TRIM56: variants seen among roughly 807,000 people sequenced by gnomAD.
The protein encoded by TRIM56 is E3 ubiquitin-protein ligase TRIM56.
In TRIM56, 10 loss-of-function variants were observed where a neutral mutation model predicts 17.1. That is an observed-to-expected ratio of 0.58 (90% CI 0.36 to 0.99). TRIM56 has a LOEUF of 0.99. TRIM56 is among the 50% of genes least tolerant of loss of function. TRIM56 has a pLI of 0.01. For missense variants in TRIM56, 923 were observed against 1,052.3 expected, an observed-to-expected ratio of 0.88 and a Z score of 1.70; for synonymous variants, 503 against 473.5, an observed-to-expected ratio of 1.06 and a Z score of -0.81.
In TRIM56 at chr7:101,092,397, G is replaced by C. The variant is rs553673505; in HGVS notation, c.*2817G>C. 5.8e-6 allele frequency: 1 copy of C among 171,092 alleles called. No individual in the cohort carries two copies. The highest frequency in any genetic ancestry group is 6.3e-5 in the Admixed American group (1 of 15,894). 10.6% of individuals were successfully genotyped at this position (171,092 alleles called of 1,614,324 possible). On this transcript the variant is annotated 3_prime_UTR_variant, in exon 3 of 3. Coordinates refer to ENST00000306085, the MANE Select transcript of TRIM56 (RefSeq NM_030961.3). ...GAGATGTGGGGAGCACCTCAGCCCCGCCGCCCCGTCTGGGATGTGAGGAGC... is the reference window on the plus strand; with the variant it reads ...GAGATGTGGGGAGCACCTCAGCCCCCCCGCCCCGTCTGGGATGTGAGGAGC...
chr7:101,091,779 T>G lies in TRIM56; in HGVS notation c.*2199T>G, dbSNP rs1283092219. ...AAACCAAGGTCCCTCTCCCTCTCCC[T>G]CTCCCCACGGTCTCCCTCTGCCTCT... On this transcript the variant is annotated 3_prime_UTR_variant, in exon 3 of 3. Coordinates refer to ENST00000306085, the MANE Select transcript of TRIM56 (RefSeq NM_030961.3). 1 of 445,364 alleles carries G rather than the reference T, an allele frequency of 2.2e-6. No homozygotes were observed. Among genetic ancestry groups the G allele is most frequent in the Non-Finnish European group, 4.5e-6 (1 of 224,402 alleles). 27.6% of individuals were successfully genotyped at this position (445,364 alleles called of 1,614,324 possible).
Position 101,088,482 on chromosome 7 carries a change from G to A in TRIM56, c.1170G>A (p.Glu390=), listed in dbSNP as rs1339715059. The A allele has an allele frequency of 1.9e-6, 3 of 1,613,936 alleles. No homozygotes were observed. The highest frequency in any genetic ancestry group is 2.2e-5 in the East Asian group (1 of 44,868). ...GKDGAGTQGG[E]ESQSRREDEP... Reference sequence around the variant, plus strand: ...ACGGAGCTGGTACCCAGGGAGGTGAGGAGAGCCAGAGCCGGAGGGAGGATG... The same window carrying A: ...ACGGAGCTGGTACCCAGGGAGGTGAAGAGAGCCAGAGCCGGAGGGAGGATG... Residue 390 remains glutamate, a synonymous_variant, in exon 3 of 3, where the codon GAG becomes GAA. Transcript: ENST00000306085.
At position 101,088,223 on chromosome 7, in the gene TRIM56, C is replaced by A. The variant is rs774109376; in HGVS notation, c.911C>A (p.Ala304Asp). ...GAGGGCCGGGAGCAGGTGGCCAGGG[C>A]CGCAGCCGCCTTCGCCCGCCGGGTA... Reference protein sequence around the residue: ...ELEGREQVARAAAAFARRVLS... With the variant: ...ELEGREQVARDAAAFARRVLS... The change falls in exon 3 of 3, where the codon GCC becomes GAC. Residue 304 changes from alanine to aspartate, a missense_variant. Ala to Asp is a moderately radical substitution (Grantham distance 126). Transcript: ENST00000306085. 6.8e-7 allele frequency: 1 copy of A among 1,464,754 alleles called. No homozygotes were observed. The highest frequency in any genetic ancestry group is 9.0e-7 in the Non-Finnish European group (1 of 1,113,854). 90.7% of individuals were successfully genotyped at this position (1,464,754 alleles called of 1,614,324 possible).
rs1272758283 is a variant in TRIM56 at position 101,087,688 on chromosome 7, G to T, written c.376G>T (p.Asp126Tyr). The T allele has an allele frequency of 6.3e-7, 1 of 1,593,668 alleles. No homozygotes were observed. The highest frequency in any genetic ancestry group is 2.2e-5 in the East Asian group (1 of 44,624). ...ATARCLDCAD[D>Y]LCQACADGHR... The stretch of plus-strand genomic sequence containing the variant: ...GGCCCGGTGCCTGGACTGTGCCGAT[G>T]ACTTGTGCCAGGCCTGTGCCGACGG... The change falls in exon 3 of 3, where the codon GAC (aspartate) becomes TAC (tyrosine). Residue 126 changes from aspartate (D) to tyrosine (Y), a missense_variant. Transcript: ENST00000306085.
In TRIM56 at chr7:101,087,072, T is replaced by C. The variant is rs940532393; in HGVS notation, c.-98T>C. The C allele has an allele frequency of 3.7e-6, 2 of 538,612 alleles. No individual in the cohort carries two copies. Among genetic ancestry groups the C allele is most frequent in the Admixed American group, 3.3e-5 (1 of 29,984 alleles). The allele number at this position is 538,612 out of a possible 1,614,324, so 33.4% of individuals were successfully genotyped here. On this transcript the variant is annotated 5_prime_UTR_variant, in exon 2 of 3. Transcript: ENST00000306085. ...CGTTTGCTGGATGTACACACGGAAG[T>C]GGAGGAGGAGGAGGAGAAGGAGGAG...
At position 101,088,637 on chromosome 7, in the gene TRIM56, C is replaced by T. The variant is rs370141218; in HGVS notation, c.1325C>T (p.Thr442Ile). Residue 442 changes from threonine to isoleucine, a missense_variant, in exon 3 of 3, where the codon ACA becomes ATA. Transcript: ENST00000306085. ...ACCTTGGAGGAGGACAGGGCCCAGA[C>T]ACCCCACGAGGATGGAGGACCCCAG... ...AQTLEEDRAQ[T>I]PHEDGGPQPH... 3 of 1,613,822 alleles carry T rather than the reference C, an allele frequency of 1.9e-6. No individual in the cohort carries two copies. Among genetic ancestry groups the T allele is most frequent in the South Asian group, 2.2e-5 (2 of 91,080 alleles).
rs535128827 is a variant in TRIM56 at position 101,093,836 on chromosome 7, A to T, written c.*4256A>T. The T allele has an allele frequency of 6.6e-6, 1 of 152,270 alleles. No individual in the cohort carries two copies. Among genetic ancestry groups the T allele is most frequent in the East Asian group, 1.9e-4 (1 of 5,154 alleles). The allele number at this position is 152,270 out of a possible 1,614,324, so 9.4% of individuals were successfully genotyped here. ...CACAGTGAGACTCTGTCTCAAAAAA[A>T]TAATAAATAAATAATTAAATCCACT... is the stretch of plus-strand genomic sequence containing the variant. On this transcript the variant is annotated 3_prime_UTR_variant, in exon 3 of 3. Coordinates refer to ENST00000306085, the MANE Select transcript of TRIM56 (RefSeq NM_030961.3).
chr7:101,088,000 C>A lies in TRIM56; in HGVS notation c.688C>A (p.Leu230Met). ...LAGVDNNLVE[L>M]EAARRVEKEA... Reference sequence around the variant, plus strand: ...CGGTGTGGACAATAACCTGGTGGAGCTGGAGGCAGCGCGGAGGGTGGAGAA... The same window carrying A: ...CGGTGTGGACAATAACCTGGTGGAGATGGAGGCAGCGCGGAGGGTGGAGAA... Residue 230 changes from leucine to methionine, a missense_variant, in exon 3 of 3, where the codon CTG becomes ATG. Transcript: ENST00000306085. The A allele has an allele frequency of 6.3e-7, 1 of 1,584,528 alleles. No homozygotes were observed.
At position 101,088,815 on chromosome 7, in the gene TRIM56, G is replaced by T. The variant is rs1048851825; in HGVS notation, c.1503G>T (p.Met501Ile). 3 of 1,613,812 alleles carry T rather than the reference G, an allele frequency of 1.9e-6. No individual in the cohort carries two copies. The highest frequency in any genetic ancestry group is 2.2e-5 in the South Asian group (2 of 91,088). The change falls in exon 3 of 3, where the codon ATG (methionine) becomes ATT (isoleucine). Residue 501 changes from methionine to isoleucine, a missense_variant. Met to Ile is a conservative substitution (Grantham distance 10). This residue lies in a region of TRIM56 where 643 missense variants were observed against 665.6 expected (regional missense o/e 0.97). Transcript: ENST00000306085. The stretch of plus-strand genomic sequence containing the variant: ...TTTACTGCAGTTTCCCCACGCGGAT[G>T]CCTGGAGACAAGCGGTCCCCCCGGA... ...PIFYCSFPTR[M>I]PGDKRSPRIT...
chr7:101,095,042 G>A lies in TRIM56; in HGVS notation c.*5462G>A, dbSNP rs56158981. 0.088 allele frequency: 12,746 copies of A among 144,686 alleles called. 690 individuals carry two copies. Among genetic ancestry groups the A allele is most frequent in the African/African-American group, 0.16 (6,013 of 38,788 alleles). 9.0% of individuals were successfully genotyped at this position (144,686 alleles called of 1,614,324 possible). Reference sequence around the variant, plus strand: ...GGCACTGTGGACACGGTTCGCATCTGCCTCCCAAGGCTGGGCTCCGCGTCA... The same window carrying A: ...GGCACTGTGGACACGGTTCGCATCTACCTCCCAAGGCTGGGCTCCGCGTCA... On this transcript the variant is annotated 3_prime_UTR_variant, in exon 3 of 3. Coordinates refer to ENST00000306085, the MANE Select transcript of TRIM56 (RefSeq NM_030961.3).
In TRIM56 at chr7:101,087,809, C is replaced by T. The variant is rs756902693; in HGVS notation, c.497C>T (p.Ala166Val). ...GATGAGGAGGCCCGGGAGCGCCAAG[C>T]GGCCCAGTGTCCCCAGCACCCCGGG... ...WYDEEARERQ[A>V]AQCPQHPGEA... The change falls in exon 3 of 3, where the codon GCG (alanine) becomes GTG (valine). Residue 166 changes from alanine (A) to valine (V), a missense_variant. Transcript: ENST00000306085. 11 of 1,605,542 alleles carry T rather than the reference C, an allele frequency of 6.9e-6. No homozygotes were observed. The highest frequency in any genetic ancestry group is 3.3e-5 in the South Asian group (3 of 90,534).
chr7:101,088,858 T>C lies in TRIM56; in HGVS notation c.1546T>C (p.Phe516Leu). 6.2e-7 allele frequency: 1 copy of C among 1,613,854 alleles called. No individual in the cohort carries two copies. The change falls in exon 3 of 3, where the codon TTC becomes CTC. Residue 516 changes from phenylalanine (F) to leucine (L), a missense_variant. Phe to Leu is a conservative substitution (Grantham distance 22). Transcript: ENST00000306085. ...RSPRITGLCP[F>L]GPREILVADE... ...CCCCCGGATCACCGGGCTCTGTCCC[T>C]TCGGTCCCCGGGAGATCCTGGTGGC...
rs937780725 is a variant in TRIM56 at position 101,088,744 on chromosome 7, C to G, written c.1432C>G (p.Leu478Val). The change falls in exon 3 of 3, where the codon CTG (leucine) becomes GTG (valine). Residue 478 changes from leucine to valine, a missense_variant. Transcript: ENST00000306085. ...KSISREPSPA[L>V]GPNLDGSGLL... is the part of the protein sequence containing the mutation. The stretch of plus-strand genomic sequence containing the variant: ...AATTTCCCGGGAGCCCAGCCCAGCC[C>G]TGGGGCCGAATCTGGACGGCTCTGG... 4 of 1,614,070 alleles carry G rather than the reference C, an allele frequency of 2.5e-6. No homozygotes were observed. Among genetic ancestry groups the G allele is most frequent in the African/African-American group, 2.7e-5 (2 of 75,066 alleles).
intron 2 of TRIM56, 43 bp from the exon 3 acceptor site, chr7:101,087,269 G>A: frequency 1.3e-6 from 2 of 1,548,942 alleles, no homozygotes; most frequent in African/African-American, 2.7e-5. Context: ...GTGAGCTGGT[G>A]AAGGTGCCTT....
In TRIM56 at chr7:101,088,480, G is replaced by A. The variant is rs1313131889; in HGVS notation, c.1168G>A (p.Glu390Lys). 13 of 1,613,898 alleles carry A rather than the reference G, an allele frequency of 8.1e-6. No individual in the cohort carries two copies. The highest frequency in any genetic ancestry group is 1.1e-5 in the Non-Finnish European group (13 of 1,179,900). Residue 390 changes from glutamate (E) to lysine (K), a missense_variant, in exon 3 of 3, where the codon GAG becomes AAG. By Grantham distance (56) the Glu-to-Lys change is moderately conservative. Around this residue, in one of 3 missense-constraint regions of TRIM56, gnomAD observed 643 missense variants for 665.6 expected, o/e 0.97. Transcript: ENST00000306085. ...GKDGAGTQGG[E>K]ESQSRREDEP... ...AGACGGAGCTGGTACCCAGGGAGGT[G>A]AGGAGAGCCAGAGCCGGAGGGAGGA...
chr7:101,089,759 G>C lies in TRIM56; in HGVS notation c.*179G>C, dbSNP rs907356383. The C allele has an allele frequency of 3.3e-6, 2 of 601,860 alleles. No homozygotes were observed. The highest frequency in any genetic ancestry group is 1.9e-5 in the African/African-American group (1 of 53,790). The allele number at this position is 601,860 out of a possible 1,614,324, so 37.3% of individuals were successfully genotyped here. ...GTGTGTGAGAATAGGGACCAAGGTG[G>C]TGGCGTGACCTTAACTCTCAGAAGC... On this transcript the variant is annotated 3_prime_UTR_variant, in exon 3 of 3. Transcript: ENST00000306085.
chr7:101,089,638 G>A lies in TRIM56; in HGVS notation c.*58G>A, dbSNP rs1795529780. On this transcript the variant is annotated 3_prime_UTR_variant, in exon 3 of 3. Transcript: ENST00000306085. ...AGGGAGAGGGCAGGAAGGAGGCAGA[G>A]CTGTCCGTGGGAGGTGGAGGCCGAG... 6.6e-7 allele frequency: 1 copy of A among 1,505,082 alleles called. No homozygotes were observed. 93.2% of individuals were successfully genotyped at this position (1,505,082 alleles called of 1,614,324 possible). A position where few individuals can be genotyped will look rare whatever the true frequency, so the allele number is the denominator to read the frequency against.
Position 101,088,317 on chromosome 7 carries a change from G to C in TRIM56, c.1005G>C (p.Leu335=). Residue 335 remains leucine (L), a synonymous_variant, in exon 3 of 3, where the codon CTG becomes CTC. Coordinates refer to ENST00000306085, the MANE Select transcript of TRIM56 (RefSeq NM_030961.3). ...CGATCGCACAGCGGCTCAGGCAGCTGCAGGGCTGCCCCTGGGCACCAGGCC... is the reference window on the plus strand; with the variant it reads ...CGATCGCACAGCGGCTCAGGCAGCTCCAGGGCTGCCCCTGGGCACCAGGCC... ...EGAIAQRLRQ[L]QGCPWAPGPA... is the part of the protein sequence containing the mutation. The C allele has an allele frequency of 6.5e-7, 1 of 1,527,818 alleles. No homozygotes were observed. Among genetic ancestry groups the C allele is most frequent in the Non-Finnish European group, 8.8e-7 (1 of 1,142,288 alleles). The allele number at this position is 1,527,818 out of a possible 1,614,324, so 94.6% of individuals were successfully genotyped here.
chr7:101,097,573 G>C lies in TRIM56; in HGVS notation c.*7993G>C, dbSNP rs1325259566. On this transcript the variant is annotated 3_prime_UTR_variant, in exon 3 of 3. Transcript: ENST00000306085. ...CAGTATACAAAGTACAGCAACATCA[G>C]ACTAGATCTCACCTGAGGTGCTGGG... The C allele has an allele frequency of 1.3e-5, 2 of 152,260 alleles. No homozygotes were observed. Among genetic ancestry groups the C allele is most frequent in the African/African-American group, 4.8e-5 (2 of 41,462 alleles). The allele number at this position is 152,260 out of a possible 1,614,324, so 9.4% of individuals were successfully genotyped here.
Sources: allele counts gnomAD v4.1 joint callset, GRCh38; gene constraint gnomAD v4.1.1; regional missense constraint gnomAD v4.1.1; transcripts MANE v1.5; gene names NCBI Gene and HGNC (gene_info 2026-07-23, HGNC 2026-07-21).